MCU: variants seen among roughly 807,000 people sequenced by gnomAD.
MCU encodes calcium uniporter protein, mitochondrial.
In MCU, 12 loss-of-function variants were observed where a neutral mutation model predicts 45.2. That is an observed-to-expected ratio of 0.27 (90% CI 0.17 to 0.43). MCU has a LOEUF of 0.43. MCU is among the 20% of genes least tolerant of loss of function. The probability of loss-of-function intolerance (pLI) is 1.00; values close to 1 mark genes in which losing one functional copy is unlikely to be tolerated. For synonymous variants in MCU, 160 were observed against 165.1 expected, an observed-to-expected ratio of 0.97 and a Z score of 0.24; for missense variants, 324 against 436.7, an observed-to-expected ratio of 0.74 and a Z score of 2.30.
At chr10:72,730,030 C>A (rs1198302466) in intron 1 of MCU, among the ~76,000 whole-genome samples, 1 of 143,230 alleles carries the variant, frequency 7.0e-6, no homozygotes, top group African/African-American at 2.6e-5. Flanking sequence ...ATGATCTTGG[C>A]TCACTGTTAA....
At chr10:72,699,592 C>CT (rs372198670) in intron 1 of MCU, among the ~76,000 whole-genome samples, 2,168 of 135,242 alleles carry the variant, frequency 0.016, 48 homozygotes, top group African/African-American at 0.045. Flanking sequence ...GGTGAAATGG[C>CT]TTTTTTTTTT....
intron 2 of MCU, among the ~76,000 whole-genome samples, chr10:72,854,168 C>T (rs531344703): frequency 6.6e-6 from 1 of 152,124 alleles, no homozygotes; most frequent in South Asian, 2.1e-4. Flanking sequence ...TGGCACATGC[C>T]TGTAGTCCCA....
At chr10:72,840,591 A>G (rs933958057) in intron 2 of MCU, among the ~76,000 whole-genome samples, 1 of 152,172 alleles carries the variant, frequency 6.6e-6, no homozygotes, top group Non-Finnish European at 1.5e-5. Flanking sequence ...CCACCACTAT[A>G]TATCTTTCAT....
intron 1 of MCU, among the ~76,000 whole-genome samples, chr10:72,742,905 C>T (rs1475819365): frequency 6.6e-6 from 1 of 151,806 alleles, no homozygotes; most frequent in African/African-American, 2.4e-5. Flanking sequence ...ATAAATGCTG[C>T]TAGGGATTTT....
intron 1 of MCU, among the ~76,000 whole-genome samples, chr10:72,697,519 C>T (rs1183484355): frequency 1.3e-5 from 2 of 149,974 alleles, no homozygotes; most frequent in Non-Finnish European, 1.5e-5. Flanking sequence ...CTGCAACCTC[C>T]GTCTCCCTGG....
At chr10:72,704,704 A>ACTTTTTT (rs1435890480) in intron 1 of MCU, among the ~76,000 whole-genome samples, 2 of 106,746 alleles carry the variant, frequency 1.9e-5, no homozygotes, top group Non-Finnish European at 1.8e-5. Context: ...TGCCTGGATA[A>ACTTTTTT]TTTTTTTTTT....
rs186166514 is a variant in MCU at position 72,702,958 on chromosome 10, A to G, written c.150+10657A>G. Among the ~76,000 whole-genome samples the G allele has an allele frequency of 6.6e-3, 993 of 151,468 alleles. 5 individuals carry two copies. Among genetic ancestry groups the G allele is most frequent in the Middle Eastern group, 0.017 (5 of 294 alleles). On this transcript the variant is annotated intron_variant, in intron 1 of 7. Transcript: ENST00000373053. Reference sequence around the variant, plus strand: ...GTGCCATTGCACCCCAGCCTGGACAACAAGAACGAAACTGTGTCTCAAAAA... The same window carrying G: ...GTGCCATTGCACCCCAGCCTGGACAGCAAGAACGAAACTGTGTCTCAAAAA...
intron 1 of MCU, among the ~76,000 whole-genome samples, chr10:72,706,116 T>A (rs1295481822): frequency 6.6e-6 from 1 of 152,202 alleles, no homozygotes; most frequent in Non-Finnish European, 1.5e-5. Flanking sequence ...TTCTCTTTAA[T>A]TTTTCATTTT....
chr10:72,814,766 C>G (rs1006098642), intron 1 of MCU, among the ~76,000 whole-genome samples: 11 of 152,146 alleles, frequency 7.2e-5, no homozygotes, highest in African/African-American at 2.7e-4. Context: ...AAGGGTCTAA[C>G]CAGTGAACCT....
intron 1 of MCU, among the ~76,000 whole-genome samples, chr10:72,819,770 A>C (rs1844682625): frequency 7.8e-6 from 1 of 127,996 alleles, no homozygotes; most frequent in Non-Finnish European, 1.6e-5. Context: ...TTGAGCCATC[A>C]TTGACACTTC....
intron 1 of MCU, among the ~76,000 whole-genome samples, chr10:72,726,047 A>G (rs1843094908): frequency 6.6e-6 from 1 of 152,012 alleles, no homozygotes; most frequent in African/African-American, 2.4e-5. Context: ...TCATACTTGA[A>G]TGATTATCCT....
chr10:72,748,756 A>G (rs1589443060), intron 1 of MCU, among the ~76,000 whole-genome samples: 2 of 152,230 alleles, frequency 1.3e-5, no homozygotes, highest in East Asian at 3.8e-4. Flanking sequence ...TAAGGGAAGG[A>G]CATCCTGATC....
chr10:72,698,654 G>A (rs926636473), intron 1 of MCU, among the ~76,000 whole-genome samples: 5 of 152,110 alleles, frequency 3.3e-5, no homozygotes, highest in East Asian at 1.9e-4. Flanking sequence ...AAAGGCACGC[G>A]CCACCACGCC....
chr10:72,725,926 C>T (rs1241942774), intron 1 of MCU, among the ~76,000 whole-genome samples: 1 of 152,056 alleles, frequency 6.6e-6, no homozygotes, highest in Admixed American at 6.6e-5. Flanking sequence ...TACATACTGC[C>T]TTTCATATAA....
At chr10:72,759,860 T>C (rs1361802739) in intron 1 of MCU, among the ~76,000 whole-genome samples, 3 of 152,036 alleles carry the variant, frequency 2.0e-5, no homozygotes, top group Admixed American at 6.6e-5. Context: ...AGTGTGAAGG[T>C]AGCTGCCTGC....
chr10:72,805,824 G>A (rs781454867), intron 1 of MCU, among the ~76,000 whole-genome samples: 1 of 152,178 alleles, frequency 6.6e-6, no homozygotes, highest in Admixed American at 6.5e-5. Context: ...ATCATCTCAC[G>A]ATTAAATATA....
At position 72,760,714 on chromosome 10, in the gene MCU, TTC is replaced by T. The variant is rs1286635677; in HGVS notation, c.150+68415_150+68416del. On this transcript the variant is annotated intron_variant, in intron 1 of 7. Transcript: ENST00000373053. ...CTGGTTACTTAAATTTTTTTTTTCT[TTC>T]TTTTTTTTTTTTTTTTTGCAGAGAC... 24 of 145,938 alleles carry T rather than the reference TTC, an allele frequency of 1.6e-4. 5 individuals carry two copies. The highest frequency in any genetic ancestry group is 2.1e-4 in the Admixed American group (3 of 14,544). The allele number at this position is 145,938 out of a possible 1,614,324, so 9.0% of individuals were successfully genotyped here. A position where few individuals can be genotyped will look rare whatever the true frequency, so the allele number is the denominator to read the frequency against.
At chr10:72,788,574 G>A (rs1201147930) in intron 1 of MCU, among the ~76,000 whole-genome samples, 1 of 152,106 alleles carries the variant, frequency 6.6e-6, no homozygotes, top group African/African-American at 2.4e-5. Flanking sequence ...TGCAGAGTGT[G>A]CCATGATGCA....
intron 1 of MCU, among the ~76,000 whole-genome samples, chr10:72,707,874 A>G (rs911910242): frequency 6.6e-6 from 1 of 151,994 alleles, no homozygotes; most frequent in African/African-American, 2.4e-5. Context: ...GGGTCTCACT[A>G]TGTTGTCCAG....
Sources: allele counts gnomAD v4.1 joint callset (sites outside exome capture counted in the v4.1 genomes callset), GRCh38; gene constraint gnomAD v4.1.1; transcripts MANE v1.5; gene names NCBI Gene and HGNC (gene_info 2026-07-23, HGNC 2026-07-21).